ZPBP: variants seen among roughly 807,000 people sequenced by gnomAD.
ZPBP encodes the protein zona pellucida-binding protein 1.
Under a neutral mutation model 44.8 loss-of-function variants are expected in ZPBP, and 26 were observed. That is an observed-to-expected ratio of 0.58 (90% CI 0.43 to 0.81). ZPBP has a LOEUF of 0.81. Ranked by LOEUF, ZPBP falls within the 30% of genes least tolerant of loss-of-function variation. The pLI, the probability that ZPBP is intolerant of heterozygous loss-of-function variation, is 0.00. For missense variants in ZPBP, 409 were observed against 434.0 expected (o/e 0.94, Z 0.51); for synonymous variants, 174 against 153.2 (o/e 1.14, Z -1.00).
chr7:49,857,700 G>A (rs942899618), intron 2 of ZPBP, among the ~76,000 whole-genome samples: 1 of 152,136 alleles, frequency 6.6e-6, no homozygotes, highest in African/African-American at 2.4e-5. Flanking sequence ...CTCTTGGTGG[G>A]AATGCAAAAT....
intron 1 of ZPBP, among the ~76,000 whole-genome samples, chr7:49,926,555 C>T (rs1018614347): frequency 6.6e-6 from 1 of 152,188 alleles, no homozygotes; most frequent in Non-Finnish European, 1.5e-5. Flanking sequence ...CACCTGCATG[C>T]ACAAGCCATT....
chr7:50,006,005 C>T (rs537316971), intron 6 of ZPBP, among the ~76,000 whole-genome samples: 6 of 151,440 alleles, frequency 4.0e-5, no homozygotes, highest in Admixed American at 2.0e-4. Context: ...AAAGAGCATA[C>T]TAATATCAGA....
intron 2 of ZPBP, among the ~76,000 whole-genome samples, chr7:49,893,387 C>G (rs1412364117): frequency 6.6e-6 from 1 of 152,170 alleles, no homozygotes; most frequent in African/African-American, 2.4e-5. Context: ...GGATAGTTTT[C>G]AAGCTGGCAG....
At chr7:49,888,708 C>T (rs1159377751) in intron 2 of ZPBP, among the ~76,000 whole-genome samples, 2 of 152,036 alleles carry the variant, frequency 1.3e-5, no homozygotes, top group African/African-American at 2.4e-5. Context: ...GTCAGGAGTT[C>T]TAGATTAGCC....
intron 2 of ZPBP, among the ~76,000 whole-genome samples, chr7:49,878,857 G>A (rs1791557202): frequency 6.6e-6 from 1 of 152,128 alleles, no homozygotes. Flanking sequence ...ACCAGGCGTG[G>A]CTTTTTCCTG....
At chr7:49,937,102 A>G (rs556031681), downstream of ZPBP, among the ~76,000 whole-genome samples, 384 of 152,324 alleles carry the variant, frequency 2.5e-3, 2 homozygotes, top group African/African-American at 8.9e-3. Flanking sequence ...TAAACTGTGA[A>G]AGGTGAAACT....
chr7:50,064,479 T>C (rs1270324696), intron 3 of ZPBP, among the ~76,000 whole-genome samples: 1 of 152,166 alleles, frequency 6.6e-6, no homozygotes, highest in African/African-American at 2.4e-5. Context: ...GGGAGCACTA[T>C]GGGAGACTGG....
chr7:49,969,426 T>A (rs988862154), intron 7 of ZPBP, among the ~76,000 whole-genome samples: 3 of 148,260 alleles, frequency 2.0e-5, no homozygotes, highest in Non-Finnish European at 3.0e-5. Flanking sequence ...AATGATATCA[T>A]AACCAATATA....
At position 49,992,894 on chromosome 7, in the gene ZPBP, G is replaced by A. The variant is rs1583999574; in HGVS notation, c.784-9375C>T. ...AAGCAAATAAATAAATAAAATTGTG[G>A]GTAAATCTAAACAGACACTGATATT... On this transcript the variant is annotated intron_variant, in intron 6 of 7. Coordinates refer to ENST00000046087, the MANE Select transcript of ZPBP (RefSeq NM_007009.3). Among the ~76,000 whole-genome samples the A allele has an allele frequency of 2.6e-5, 4 of 151,914 alleles. No individual in the cohort carries two copies. The South Asian group carries it at 8.3e-4, about 32-fold the overall frequency.
At chr7:49,887,126 G>A (rs1243655283) in intron 2 of ZPBP, among the ~76,000 whole-genome samples, 1 of 152,180 alleles carries the variant, frequency 6.6e-6, no homozygotes, top group Admixed American at 6.5e-5. Context: ...ACAAGGGTTT[G>A]TATATTTTAA....
intron 6 of ZPBP, among the ~76,000 whole-genome samples, chr7:49,997,657 G>T (rs924662222): frequency 3.3e-5 from 5 of 152,112 alleles, no homozygotes; most frequent in African/African-American, 1.2e-4. Flanking sequence ...AGGCAATGTA[G>T]GATTAATCAC....
chr7:49,891,878 G>T lies in ZPBP; in HGVS notation n.509+9240C>A, dbSNP rs1054592702. Among the ~76,000 whole-genome samples, 9 of 151,264 alleles carry T rather than the reference G, an allele frequency of 5.9e-5. No homozygotes were observed. The East Asian group carries it at 7.7e-4, about 13-fold the overall frequency. On this transcript the variant is annotated intron_variant and non_coding_transcript_variant, in intron 2 of 2. Transcript: ENST00000465922. ...GTACTCTAACTTTCTGCTATTGATA[G>T]ATACTTTAAAGTAAATATCTATCAA... is the stretch of plus-strand genomic sequence containing the variant.
intron 2 of ZPBP, among the ~76,000 whole-genome samples, chr7:50,086,541 G>T (rs1802660165): frequency 1.3e-5 from 2 of 151,942 alleles, no homozygotes; most frequent in Admixed American, 6.6e-5. Flanking sequence ...TTAATAAACT[G>T]CAGATTAAAC....
chr7:49,877,540 C>G (rs1268969835), intron 2 of ZPBP, among the ~76,000 whole-genome samples: 3 of 105,552 alleles, frequency 2.8e-5, no homozygotes, highest in Non-Finnish European at 5.7e-5. Context: ...ACTTGCTTAC[C>G]TATTTCATCC....
intron 4 of ZPBP, among the ~76,000 whole-genome samples, chr7:50,048,762 T>G (rs1353025058): frequency 6.6e-6 from 1 of 151,864 alleles, no homozygotes; most frequent in Non-Finnish European, 1.5e-5. Context: ...ATCTTTTATC[T>G]TCGGACAATG....
chr7:49,975,682 A>T (rs1006533131), intron 7 of ZPBP, among the ~76,000 whole-genome samples: 2 of 152,198 alleles, frequency 1.3e-5, no homozygotes, highest in Admixed American at 1.3e-4. Flanking sequence ...GTGCTGGCAA[A>T]GCCTCTATTC....
At chr7:49,987,212 TAAGGGATTTAA>T in intron 6 of ZPBP, among the ~76,000 whole-genome samples, 1 of 152,304 alleles carries the variant, frequency 6.6e-6, no homozygotes, top group Admixed American at 6.5e-5. Flanking sequence ...AGTCAGGTAA[TAAGGGATTTAA>T]AAGGATTTTT....
rs79336546 is a variant in ZPBP, at chr7:50,058,124, G to T, written c.352C>A (p.Gln118Lys). 1.2e-6 allele frequency: 2 copies of T among 1,613,714 alleles called. No homozygotes were observed. Among genetic ancestry groups the T allele is most frequent in the South Asian group, 1.1e-5 (1 of 91,072 alleles). Reference sequence around the variant, plus strand: ...ACAAGGCTTCCTGTGGATGTTATTTGTGCAGTGCGGTTTTCTACTAAAGGA... The same window carrying T: ...ACAAGGCTTCCTGTGGATGTTATTTTTGCAGTGCGGTTTTCTACTAAAGGA... ...KVVSVENRTA[Q>K]ITSTGSLVFQ... Residue 118 changes from glutamine (Q) to lysine (K), a missense_variant, in exon 4 of 8, where the codon CAA (glutamine) becomes AAA (lysine). Around this residue, in one of 2 missense-constraint regions of ZPBP, gnomAD observed 367 missense variants for 363.1 expected, o/e 1.01. Transcript: ENST00000046087.
At chr7:50,074,252 A>G (rs1447112544) in intron 3 of ZPBP, among the ~76,000 whole-genome samples, 1 of 152,046 alleles carries the variant, frequency 6.6e-6, no homozygotes, top group Non-Finnish European at 1.5e-5. Context: ...TGCAAGCCTC[A>G]TGGTAACCTA....
Sources: allele counts gnomAD v4.1 joint callset (sites outside exome capture counted in the v4.1 genomes callset), GRCh38; gene constraint gnomAD v4.1.1; regional missense constraint gnomAD v4.1.1; transcripts MANE v1.5; gene names NCBI Gene and HGNC (gene_info 2026-07-23, HGNC 2026-07-21).